The following MED12L variants were observed in gnomAD, a reference collection of about 807,000 sequenced individuals.
MED12L encodes mediator complex subunit 12L, also known as mediator of RNA polymerase II transcription subunit 12-like protein.
A neutral mutation model predicts 281.3 loss-of-function variants in MED12L; 60 were observed. The observed-to-expected ratio is 0.21, with a 90% CI of 0.17 to 0.26. The LOEUF is 0.26. MED12L is among the 10% of genes least tolerant of loss of function. The pLI, the probability that MED12L is intolerant of heterozygous loss-of-function variation, is 1.00. For missense variants in MED12L, 2,146 were observed against 2,680.9 expected (o/e 0.80, Z 4.41); for synonymous variants, 974 against 987.2 (o/e 0.99, Z 0.25).
chr3:151,105,115 C>T (rs1721842006), intron 2 of MED12L, among the ~76,000 whole-genome samples: 1 of 152,162 alleles, frequency 6.6e-6, no homozygotes, highest in East Asian at 1.9e-4. Flanking sequence ...TCTGCACATC[C>T]TCCTGAGTTG....
intron 37 of MED12L, among the ~76,000 whole-genome samples, chr3:151,389,520 T>A (rs561560423): frequency 6.6e-6 from 1 of 152,324 alleles, no homozygotes; most frequent in Admixed American, 6.5e-5. Context: ...TAGAACGATG[T>A]CTGGAAAATT....
intron 16 of MED12L, among the ~76,000 whole-genome samples, chr3:151,268,533 A>G (rs964831171): frequency 3.9e-5 from 6 of 152,122 alleles, no homozygotes; most frequent in Non-Finnish European, 1.5e-5. Context: ...AGGTTTCTCC[A>G]TTTTGTCTAA....
chr3:151,213,141 A>G, intron 16 of MED12L: 1 of 571,254 alleles, frequency 1.8e-6, no homozygotes, highest in Non-Finnish European at 3.0e-6. Context: ...TGATGTTACA[A>G]AAAAGCATGG....
chr3:151,202,845 G>A (rs1015034399), intron 16 of MED12L, among the ~76,000 whole-genome samples: 1 of 152,184 alleles, frequency 6.6e-6, no homozygotes, highest in Non-Finnish European at 1.5e-5. Context: ...ATAAGATTGA[G>A]TTACTGAATA....
intron 16 of MED12L, among the ~76,000 whole-genome samples, chr3:151,237,279 C>A (rs548969357): frequency 6.7e-6 from 1 of 149,492 alleles, no homozygotes; most frequent in Admixed American, 6.7e-5. Context: ...ACCTTGTGAT[C>A]CACCTGCCTC....
intron 5 of MED12L, among the ~76,000 whole-genome samples, chr3:151,130,162 C>T (rs772217991): frequency 7.9e-5 from 12 of 152,154 alleles, no homozygotes; most frequent in Non-Finnish European, 1.5e-4. Context: ...GTGTCTGAAT[C>T]GGCATCTGAA....
chr3:151,186,226 G>A (rs559406061), intron 12 of MED12L, among the ~76,000 whole-genome samples: 2 of 152,304 alleles, frequency 1.3e-5, no homozygotes, highest in African/African-American at 4.8e-5. Flanking sequence ...TTCTGCCTGT[G>A]ACTGTTAGCA....
chr3:151,153,930 T>C (rs1346879053), intron 5 of MED12L, among the ~76,000 whole-genome samples: 2 of 152,050 alleles, frequency 1.3e-5, no homozygotes, highest in Non-Finnish European at 2.9e-5. Context: ...AATTAGAAAC[T>C]GATGGGTTGG....
chr3:151,416,237 A>G, intron 42 of MED12L, 75 bp from the exon 43 acceptor site: 10 of 1,611,230 alleles, frequency 6.2e-6, no homozygotes, highest in South Asian at 5.5e-5. Context: ...GATAAAAGGT[A>G]TATGGGGGAA....
intron 39 of MED12L, among the ~76,000 whole-genome samples, chr3:151,401,856 T>C (rs1475753913): frequency 2.0e-5 from 3 of 152,202 alleles, no homozygotes; most frequent in African/African-American, 7.2e-5. Flanking sequence ...GTGCTTCACT[T>C]ATTACTTATA....
intron 16 of MED12L, among the ~76,000 whole-genome samples, chr3:151,217,552 A>T (rs1239169641): frequency 6.6e-6 from 1 of 152,138 alleles, no homozygotes; most frequent in Non-Finnish European, 1.5e-5. Flanking sequence ...TTCCCCAAAC[A>T]CTGCTATTTT....
At chr3:151,147,960 T>G (rs189231185) in intron 5 of MED12L, among the ~76,000 whole-genome samples, 3 of 152,346 alleles carry the variant, frequency 2.0e-5, no homozygotes, top group Non-Finnish European at 4.4e-5. Context: ...TTTCCACATA[T>G]TACATTTATC....
chr3:151,289,645 G>A (rs943209178), intron 16 of MED12L, among the ~76,000 whole-genome samples: 15 of 152,246 alleles, frequency 9.9e-5, no homozygotes, highest in African/African-American at 3.6e-4. Flanking sequence ...AAACTTGTTA[G>A]CCTCAATTAT....
At chr3:151,187,887 A>G (rs1294157134) in intron 12 of MED12L, among the ~76,000 whole-genome samples, 3 of 152,266 alleles carry the variant, frequency 2.0e-5, no homozygotes, top group South Asian at 2.1e-4. Context: ...AACATGAACT[A>G]TTTAAAAATG....
intron 16 of MED12L, among the ~76,000 whole-genome samples, chr3:151,227,582 A>G (rs16863273): frequency 0.011 from 1,731 of 152,324 alleles, 26 homozygotes; most frequent in Admixed American, 0.036. Flanking sequence ...TCACTTTGTG[A>G]TTATGCAAAT....
At chr3:151,131,964 A>G (rs1018635299) in intron 5 of MED12L, among the ~76,000 whole-genome samples, 2 of 152,234 alleles carry the variant, frequency 1.3e-5, no homozygotes, top group Admixed American at 1.3e-4. Context: ...TGTAAGCCAG[A>G]TAACATACGA....
intron 6 of MED12L, among the ~76,000 whole-genome samples, 172 bp from the exon 7 acceptor site, chr3:151,158,517 T>A (rs1428097747): frequency 3.9e-5 from 6 of 152,162 alleles, no homozygotes; most frequent in Non-Finnish European, 7.4e-5. Context: ...AAAAAAACTA[T>A]ACAAAACATA....
intron 35 of MED12L, 161 bp from the exon 36 acceptor site, chr3:151,384,869 C>G (rs889638970): frequency 1.7e-6 from 1 of 584,774 alleles, no homozygotes; most frequent in Non-Finnish European, 3.0e-6. Flanking sequence ...ACTCATTGCT[C>G]TATTTGGAAC....
intron 30 of MED12L, 50 bp downstream of exon 30, chr3:151,377,228 A>G (rs1202850407): frequency 6.6e-7 from 1 of 1,506,454 alleles, no homozygotes; most frequent in Non-Finnish European, 9.0e-7. Flanking sequence ...TTCACAAGTA[A>G]CGGTAAATTT....
Sources: gnomAD v4.1 joint callset for allele counts (sites outside exome capture counted in the v4.1 genomes callset) on GRCh38, gnomAD v4.1.1 for gene constraint, MANE v1.5 for transcripts, NCBI Gene and HGNC (gene_info 2026-07-23, HGNC 2026-07-21) for gene names.